Variants in MTRR observed in about 807,000 individuals in gnomAD.
MTRR encodes 5-methyltetrahydrofolate-homocysteine methyltransferase reductase, also known as methionine synthase reductase.
Under a neutral mutation model 79.2 loss-of-function variants are expected in MTRR, and 63 were observed. The ratio of observed to expected loss-of-function variants is 0.80; its 90% CI spans 0.65 to 0.98. The LOEUF (loss-of-function observed/expected upper bound fraction) is 0.98. Among genes scored for constraint, MTRR ranks in the 50% least tolerant of loss-of-function variants. The pLI is 0.00. For missense variants in MTRR, 895 were observed against 839.6 expected, an observed-to-expected ratio of 1.07 and a Z score of -0.82; for synonymous variants, 355 against 313.3, an observed-to-expected ratio of 1.13 and a Z score of -1.41.
chr5:7,859,447 C>T, intron 1 of MTRR: 1 of 1,596,208 alleles, frequency 6.3e-7, no homozygotes, highest in South Asian at 1.1e-5. Context: ...ATTCTTGCAA[C>T]CAATGAACAG....
chr5:7,854,344 T>C (rs1045348466), intron 1 of MTRR, among the ~76,000 whole-genome samples: 1 of 151,300 alleles, frequency 6.6e-6, no homozygotes, highest in African/African-American at 2.4e-5. Context: ...TATATATCTA[T>C]GTAAAGATAT....
At chr5:7,889,073 T>A in intron 8 of MTRR, 22 bp from the exon 9 acceptor site, 1 of 1,613,998 alleles carries the variant, frequency 6.2e-7, no homozygotes. Context: ...TGTCACAATT[T>A]AAGGCGGGCT....
chr5:7,865,940 G>C (rs1175611731), upstream of MTRR: 3 of 1,613,864 alleles, frequency 1.9e-6, no homozygotes, highest in Admixed American at 1.7e-5. Context: ...AGAAAAGTTG[G>C]GTCAGTTGTG....
At chr5:7,871,593 T>G (rs1170297096) in intron 2 of MTRR, among the ~76,000 whole-genome samples, 1 of 152,224 alleles carries the variant, frequency 6.6e-6, no homozygotes, top group Non-Finnish European at 1.5e-5. Flanking sequence ...GCAGTTAAAA[T>G]TCACTTCAAC....
At chr5:7,859,071 CAA>C (rs1227743223) in intron 1 of MTRR, 3 of 154,602 alleles carry the variant, frequency 1.9e-5, no homozygotes, top group South Asian at 2.0e-4. Context: ...TCACAGCACA[CAA>C]AGAGAAAAAA....
upstream of MTRR, chr5:7,867,740 ACTT>A (rs766613241): frequency 5.0e-6 from 8 of 1,614,038 alleles, no homozygotes; most frequent in African/African-American, 4.0e-5. Context: ...AAAACTTAGC[ACTT>A]CTTCTGATGA....
chr5:7,879,762 C>T (rs1188046748), intron 5 of MTRR, among the ~76,000 whole-genome samples: 2 of 152,164 alleles, frequency 1.3e-5, no homozygotes, highest in Non-Finnish European at 2.9e-5. Context: ...CAGCTCCTCT[C>T]CATATGGTAC....
chr5:7,879,308 G>A (rs138215710), intron 5 of MTRR, among the ~76,000 whole-genome samples: 140 of 152,108 alleles, frequency 9.2e-4, no homozygotes, highest in Middle Eastern at 3.4e-3. Context: ...TCATGGCAGC[G>A]GGGATAGAGA....
chr5:7,855,609 G>GCCTC (rs1279893242), intron 1 of MTRR, among the ~76,000 whole-genome samples: 2 of 152,052 alleles, frequency 1.3e-5, no homozygotes, highest in Non-Finnish European at 2.9e-5. Context: ...TCCTGCCGTG[G>GCCTC]CCTCCCAAAG....
At chr5:7,864,403 G>A (rs148686283), upstream of MTRR, among the ~76,000 whole-genome samples, 423 of 152,042 alleles carry the variant, frequency 2.8e-3, 3 homozygotes, top group African/African-American at 9.7e-3. Flanking sequence ...TCTTGAGATA[G>A]GAACCTCGGA....
At chr5:7,889,616 A>G (rs1737213032) in intron 9 of MTRR, among the ~76,000 whole-genome samples, 1 of 152,006 alleles carries the variant, frequency 6.6e-6, no homozygotes, top group Non-Finnish European at 1.5e-5. Context: ...TTCTAATTTA[A>G]CTTTTTTCAG....
At chr5:7,865,914 T>A, upstream of MTRR, 1 of 1,613,784 alleles carries the variant, frequency 6.2e-7, no homozygotes, top group Non-Finnish European at 8.5e-7. Context: ...GAAAGGGCAT[T>A]CCAGGACTGA....
At chr5:7,855,732 G>A (rs1027817354) in intron 1 of MTRR, among the ~76,000 whole-genome samples, 2 of 152,146 alleles carry the variant, frequency 1.3e-5, no homozygotes, top group South Asian at 4.1e-4. Context: ...AAACAGTAGG[G>A]TTATTAAGAT....
At chr5:7,871,943 C>T (rs1748065570) in intron 2 of MTRR, among the ~76,000 whole-genome samples, 1 of 152,174 alleles carries the variant, frequency 6.6e-6, no homozygotes, top group South Asian at 2.1e-4. Flanking sequence ...CCTGATTTGG[C>T]CCCTTGTGGT....
Position 7,875,389 on chromosome 5 carries a change from TC to T in MTRR, c.401+15del. On this transcript the variant is annotated intron_variant, in intron 4 of 14. Coordinates refer to ENST00000440940, the MANE Select transcript of MTRR (RefSeq NM_002454.3). Reference sequence around the variant, plus strand: ...TGACTGTGTAGGGTAAGGGCAGTGTTCTCTGTTTACTCCAATAAGCCCTCTA... The same window carrying T: ...TGACTGTGTAGGGTAAGGGCAGTGTTTCTGTTTACTCCAATAAGCCCTCTA... 6.3e-7 allele frequency: 1 copy of T among 1,577,406 alleles called. No individual in the cohort carries two copies. Among genetic ancestry groups the T allele is most frequent in the Non-Finnish European group, 8.7e-7 (1 of 1,146,464 alleles).
At chr5:7,897,914 G>A (rs773289728) in intron 14 of MTRR, among the ~76,000 whole-genome samples, 4 of 147,496 alleles carry the variant, frequency 2.7e-5, no homozygotes, top group Non-Finnish European at 6.0e-5. Flanking sequence ...TCTAAGTCAG[G>A]TTCTTTTTTT....
chr5:7,894,101 C>T (rs1738103926), intron 11 of MTRR, among the ~76,000 whole-genome samples: 3 of 152,160 alleles, frequency 2.0e-5, no homozygotes, highest in Admixed American at 1.3e-4. Flanking sequence ...CTCCTCCTTT[C>T]CTCCCTCCCT....
chr5:7,883,214 G>A lies in MTRR; in HGVS notation c.840G>A (p.Lys280=). The change falls in exon 6 of 15, where the codon AAG becomes AAA. Residue 280 remains lysine, a synonymous_variant. Transcript: ENST00000440940. The part of the protein sequence containing the change: ...ADPVFQVPIS[K]AVQLTTNDAI... ...CAGTTTTTCAAGTGCCAATTTCAAA[G>A]GCAGTTCAACTTACTACGAATGATG... 6.2e-7 allele frequency: 1 copy of A among 1,614,210 alleles called. No individual in the cohort carries two copies. Among genetic ancestry groups the A allele is most frequent in the Non-Finnish European group, 8.5e-7 (1 of 1,180,034 alleles).
intron 2 of MTRR, chr5:7,863,187 T>C (rs956140267): frequency 6.9e-6 from 4 of 583,248 alleles, no homozygotes; most frequent in Admixed American, 3.2e-5. Flanking sequence ...GCAAGTCTAA[T>C]AGTTCAAAAT....
Sources: gnomAD v4.1 joint callset for allele counts (sites outside exome capture counted in the v4.1 genomes callset) on GRCh38, gnomAD v4.1.1 for gene constraint, MANE v1.5 for transcripts, NCBI Gene and HGNC (gene_info 2026-07-23, HGNC 2026-07-21) for gene names.